Variants in PIDD1 observed in about 807,000 individuals in gnomAD.
PIDD1 encodes p53-induced death domain protein 1.
PIDD1 carries 72 observed loss-of-function variants against 80.0 expected under a neutral mutation model. The observed-to-expected ratio is 0.90, with a 90% CI of 0.74 to 1.09. The LOEUF (loss-of-function observed/expected upper bound fraction) is 1.09. Among genes scored for constraint, PIDD1 ranks in the 50% least tolerant of loss-of-function variants. PIDD1 has a pLI of 0.00. For missense variants in PIDD1, 1,329 were observed against 1,228.3 expected (o/e 1.08, Z -1.23); for synonymous variants, 655 against 543.5 (o/e 1.21, Z -2.85).
chr11:800,046 G>A, intron 14 of PIDD1, 32 bp from the exon 15 acceptor site: 1 of 1,609,384 alleles, frequency 6.2e-7, no homozygotes, highest in Non-Finnish European at 8.5e-7. Flanking sequence ...TTAAGCCCTG[G>A]GCTCCACCCC....
chr11:802,351 G>T lies in PIDD1; in HGVS notation c.1020C>A (p.Gly340=), dbSNP rs750608574. 2.5e-6 allele frequency: 4 copies of T among 1,611,740 alleles called. No homozygotes were observed. In the Admixed American group the frequency reaches 6.7e-5, roughly 27 times the overall value. The change falls in exon 6 of 16, where the codon GGC becomes GGA. Residue 340 remains glycine (G), a synonymous_variant. Transcript: ENST00000347755. The part of the protein sequence containing the change: ...PQGCSVTLAC[G]VRLQFPAGAT... ...CTCCCGCTGGGAACTGCAGGCGGAC[G>T]CCACAGGCCAGGGTCACTGAGCAGC...
rs759197494 is a variant in PIDD1, at chr11:800,670, C to T, written c.1918-4G>A. The T allele has an allele frequency of 9.5e-6, 15 of 1,576,440 alleles. No individual in the cohort carries two copies. The highest frequency in any genetic ancestry group is 7.1e-5 in the Admixed American group (4 of 56,422). On this transcript the variant is annotated splice_polypyrimidine_tract_variant and splice_region_variant and intron_variant, in intron 11 of 15. Transcript: ENST00000347755. Reference sequence around the variant, plus strand: ...GCCGCCGAAGGGTGGCGTCCACCTGCGGGGAAGCCCGTGCAGCTCAGGACC... The same window carrying T: ...GCCGCCGAAGGGTGGCGTCCACCTGTGGGGAAGCCCGTGCAGCTCAGGACC...
At position 799,922 on chromosome 11, in the gene PIDD1, C is replaced by G; in HGVS notation, c.2367G>C (p.Gln789His). The change falls in exon 15 of 16, where the codon CAG (glutamine) becomes CAC (histidine). Residue 789 changes from glutamine (Q) to histidine (H), a missense_variant. By Grantham distance (24) the Gln-to-His change is conservative. Coordinates refer to ENST00000347755, the MANE Select transcript of PIDD1 (RefSeq NM_145886.4). ...GCCCAGCCACACTCAGCAGGTTGCTCTGCGTCAGAAAGCCGGTCTCGGCAT... is the reference window on the plus strand; with the variant it reads ...GCCCAGCCACACTCAGCAGGTTGCTGTGCGTCAGAAAGCCGGTCTCGGCAT... ...LGDAETGFLT[Q>H]SNLLSVAGRL... The G allele has an allele frequency of 6.2e-7, 1 of 1,612,774 alleles. No individual in the cohort carries two copies. Among genetic ancestry groups the G allele is most frequent in the Non-Finnish European group, 8.5e-7 (1 of 1,179,950 alleles).
Position 799,550 on chromosome 11 carries a change from C to T in PIDD1, c.2490G>A (p.Glu830=). Residue 830 remains glutamate (E), a synonymous_variant, in exon 16 of 16, where the codon GAG becomes GAA. Transcript: ENST00000347755. ...IRHEFRDDLD[E]QIRHMLFSWA... is the part of the protein sequence containing the mutation. ...AGGAGAAGAGCATGTGACGGATCTG[C>T]TCATCCAGATCATCCCTGCAGGCAG... 6.2e-7 allele frequency: 1 copy of T among 1,600,186 alleles called. No individual in the cohort carries two copies. The highest frequency in any genetic ancestry group is 8.5e-7 in the Non-Finnish European group (1 of 1,178,080).
rs773794309 is a variant in PIDD1 at position 803,561 on chromosome 11, C to T, written c.322G>A (p.Ala108Thr). Reference protein sequence around the residue: ...KGGQRRDTLGACLRGALTNLP... With the variant: ...KGGQRRDTLGTCLRGALTNLP... ...TTGGTCAGGGCACCCCGGAGACAGGCACCCAGTGTGTCCCGGCGTTGCCCT... is the reference window on the plus strand; with the variant it reads ...TTGGTCAGGGCACCCCGGAGACAGGTACCCAGTGTGTCCCGGCGTTGCCCT... The change falls in exon 3 of 16, where the codon GCC (alanine) becomes ACC (threonine). Residue 108 changes from alanine to threonine, a missense_variant. Physicochemically the swap from Ala to Thr is moderately conservative, Grantham distance 58. Transcript: ENST00000347755. The T allele has an allele frequency of 6.2e-7, 1 of 1,611,568 alleles. No homozygotes were observed. The highest frequency in any genetic ancestry group is 1.1e-5 in the South Asian group (1 of 90,974).
At chr11:803,091 G>A in intron 3 of PIDD1, 83 bp downstream of exon 3, 4 of 1,096,590 alleles carry the variant, frequency 3.6e-6, no homozygotes, top group Non-Finnish European at 5.3e-6. Context: ...CAAGCCTGTG[G>A]GTGCAGAGGC....
upstream of PIDD1, among the ~76,000 whole-genome samples, chr11:809,183 G>T (rs1865930360): frequency 6.6e-6 from 1 of 152,220 alleles, no homozygotes; most frequent in South Asian, 2.1e-4. Context: ...TCCCTGAGGT[G>T]CTGATGTCCA....
chr11:804,058 G>C, intron 2 of PIDD1, 36 bp downstream of exon 2: 1 of 1,566,662 alleles, frequency 6.4e-7, no homozygotes, highest in Non-Finnish European at 8.7e-7. Flanking sequence ...GGCAGAGCGA[G>C]AGATGGAGAC....
Position 803,710 on chromosome 11 carries a change from C to T in PIDD1, c.296-123G>A, listed in dbSNP as rs1865569160. 2.8e-6 allele frequency: 3 copies of T among 1,083,802 alleles called. No individual in the cohort carries two copies. The Admixed American group carries it at 7.0e-5, about 25-fold the overall frequency. 67.1% of individuals were successfully genotyped at this position (1,083,802 alleles called of 1,614,324 possible). A position where few individuals can be genotyped will look rare whatever the true frequency, so the allele number is the denominator to read the frequency against. ...CCTCCCACCCCACCCCCACCCCAGCCAGACAGGGACAGACAGACAGAAACA... is the reference window on the plus strand; with the variant it reads ...CCTCCCACCCCACCCCCACCCCAGCTAGACAGGGACAGACAGACAGAAACA... On this transcript the variant is annotated intron_variant, in intron 2 of 15. Coordinates refer to ENST00000347755, the MANE Select transcript of PIDD1 (RefSeq NM_145886.4).
At position 804,293 on chromosome 11, in the gene PIDD1, G is replaced by A. The variant is rs1406281705; in HGVS notation, c.96C>T (p.Phe32=). 6.2e-7 allele frequency: 1 copy of A among 1,612,926 alleles called. No individual in the cohort carries two copies. Among genetic ancestry groups the A allele is most frequent in the Non-Finnish European group, 8.5e-7 (1 of 1,179,970 alleles). The stretch of plus-strand genomic sequence containing the variant: ...CCAAGCTCAGCCGGTTGCCGCCCAG[G>A]AAAGGCAGCGCCCTGGACCCTGCGT... ...DSDAGSRALP[F]LGGNRLSLDL... is the part of the protein sequence containing the mutation. The change falls in exon 2 of 16, where the codon TTC becomes TTT. Residue 32 remains phenylalanine, a synonymous_variant. Coordinates refer to ENST00000347755, the MANE Select transcript of PIDD1 (RefSeq NM_145886.4).
In PIDD1 at chr11:802,413, C is replaced by T. The variant is rs772016000; in HGVS notation, c.975-17G>A. The stretch of plus-strand genomic sequence containing the variant: ...ACAGGAAAGCTGAGTGAGGAAGGAG[C>T]GAGCAACAGGTTAGACCCAGAAGGG... On this transcript the variant is annotated splice_polypyrimidine_tract_variant and intron_variant, in intron 5 of 15. Transcript: ENST00000347755. 2.2e-5 allele frequency: 35 copies of T among 1,609,270 alleles called. No homozygotes were observed. The Admixed American group carries it at 4.3e-4, about 20-fold the overall frequency.
rs777121323 is a variant in PIDD1 at position 804,297 on chromosome 11, G to A, written c.92C>T (p.Pro31Leu). 1.2e-5 allele frequency: 20 copies of A among 1,612,816 alleles called. No homozygotes were observed. The highest frequency in any genetic ancestry group is 1.4e-5 in the Non-Finnish European group (17 of 1,179,984). The part of the protein sequence containing the change: ...EDSDAGSRAL[P>L]FLGGNRLSLD... ...GCTCAGCCGGTTGCCGCCCAGGAAA[G>A]GCAGCGCCCTGGACCCTGCGTCCGA... Residue 31 changes from proline (P) to leucine (L), a missense_variant, in exon 2 of 16, where the codon CCT (proline) becomes CTT (leucine). Physicochemically the swap from Pro to Leu is moderately conservative, Grantham distance 98. Coordinates refer to ENST00000347755, the MANE Select transcript of PIDD1 (RefSeq NM_145886.4).
intron 15 of PIDD1, 101 bp downstream of exon 15, chr11:799,714 C>T: frequency 2.2e-6 from 3 of 1,377,292 alleles, no homozygotes; most frequent in Non-Finnish European, 2.9e-6. Flanking sequence ...TGCCCTTCCC[C>T]CACCTCCCCT....
chr11:806,938 T>C (rs1263111541), upstream of PIDD1, among the ~76,000 whole-genome samples: 1 of 152,148 alleles, frequency 6.6e-6, no homozygotes, highest in Non-Finnish European at 1.5e-5. Context: ...ACGCCAGTAA[T>C]CCCAACATTT....
chr11:807,152 A>T (rs975613228), upstream of PIDD1, among the ~76,000 whole-genome samples: 1 of 147,536 alleles, frequency 6.8e-6, no homozygotes, highest in African/African-American at 2.5e-5. Context: ...AGATCTCGGC[A>T]CTGCACTCCA....
chr11:808,837 G>A (rs1350289781), upstream of PIDD1, among the ~76,000 whole-genome samples: 1 of 152,226 alleles, frequency 6.6e-6, no homozygotes, highest in Non-Finnish European at 1.5e-5. Flanking sequence ...CGAGGCCACA[G>A]AAGGCGACTG....
In PIDD1 at chr11:800,909, G is replaced by A. The variant is rs1422780364; in HGVS notation, c.1770C>T (p.Tyr590=). ...AGTTCTTGGTGGTGTACCAGAGCCA[G>A]TACCTGGGAGAGCTGGGGGTGAGGA... The part of the protein sequence containing the change: ...ARFQVTHFSW[Y]WLWYTTKNCV... Residue 590 remains tyrosine (Y), a synonymous_variant, in exon 11 of 16, where the codon TAC becomes TAT. Transcript: ENST00000347755. 1 of 1,592,674 alleles carries A rather than the reference G, an allele frequency of 6.3e-7. No individual in the cohort carries two copies. Among genetic ancestry groups the A allele is most frequent in the Non-Finnish European group, 8.5e-7 (1 of 1,170,572 alleles).
intron 12 of PIDD1, 42 bp downstream of exon 12, chr11:800,501 G>C (rs775332837): frequency 1.2e-6 from 2 of 1,610,014 alleles, no homozygotes; most frequent in Non-Finnish European, 1.7e-6. Context: ...AGGACGGTAA[G>C]GCTCCCCCTC....
intron 1 of PIDD1, 23 bp downstream of exon 1, chr11:805,156 C>G (rs780144389): frequency 2.9e-4 from 279 of 974,152 alleles, no homozygotes; most frequent in Non-Finnish European, 3.3e-4. Context: ...CCGCCCCCTC[C>G]GCCCGCCCAG....
Sources: allele counts gnomAD v4.1 joint callset (sites outside exome capture counted in the v4.1 genomes callset), GRCh38; gene constraint gnomAD v4.1.1; transcripts MANE v1.5; gene names NCBI Gene and HGNC (gene_info 2026-07-23, HGNC 2026-07-21).